Variants in MYL5 observed in about 807,000 individuals in gnomAD.
MYL5 encodes myosin regulatory light chain 5.
A neutral mutation model predicts 20.8 loss-of-function variants in MYL5; 28 were observed. The observed-to-expected ratio is 1.35, with a 90% CI of 1.00 to 1.84. MYL5 has a LOEUF of 1.84. Among genes scored for constraint, MYL5 ranks in the 40% most tolerant of loss-of-function variants. MYL5 has a pLI of 0.00. For missense variants in MYL5, 274 were observed against 227.3 expected (o/e 1.21, Z -1.32); for synonymous variants, 118 against 87.4 (o/e 1.35, Z -1.95).
chr4:681,856 C>A, intron 6 of MYL5, 37 bp from the exon 9 acceptor site: 1 of 1,305,598 alleles, frequency 7.7e-7, no homozygotes, highest in South Asian at 3.1e-5. Context: ...AATTCGCTCC[C>A]GGAGCCCGCA....
rs772779589 is a variant in MYL5 at position 678,990 on chromosome 4, C to T, written c.144C>T (p.Gly48=). 3.7e-6 allele frequency: 6 copies of T among 1,613,830 alleles called. No homozygotes were observed. In the East Asian group the frequency reaches 6.7e-5, roughly 18 times the overall value. The change falls in exon 3 of 7, where the codon GGC becomes GGT. Residue 48 remains glycine, a synonymous_variant. Coordinates refer to ENST00000400159, the Ensembl canonical transcript of MYL5. ...CACTCATGGATCAGAACCGAGATGG[C>T]TTCATTGACAAGGAGGACCTGAAGG...
exon 4 of MYL5, chr4:679,997 C>T: frequency 1.2e-6 from 2 of 1,613,210 alleles, no homozygotes; most frequent in Non-Finnish European, 1.7e-6. Flanking sequence ...GTTTCTGAAC[C>T]TGTTTGGGGA....
chr4:681,907 C>T, exon 7 of MYL5: 2 of 1,317,422 alleles, frequency 1.5e-6, no homozygotes, highest in Non-Finnish European at 2.0e-6. Context: ...ACCAGATGTT[C>T]CAGTTCGCCT....
upstream of MYL5, chr4:674,679 C>G (rs1464009217): frequency 4.1e-6 from 1 of 242,998 alleles, no homozygotes; most frequent in Non-Finnish European, 8.1e-6. Context: ...CGTCGGAGGC[C>G]TGAGGTCAGG....
chr4:681,015 C>G, intron 5 of MYL5, 77 bp from the exon 8 acceptor site: 1 of 1,506,340 alleles, frequency 6.6e-7, no homozygotes, highest in Non-Finnish European at 9.0e-7. Flanking sequence ...CCTGGGGCCC[C>G]TGGAGCACCT....
At chr4:677,835 G>C (rs908526561), upstream of MYL5, 4 of 887,976 alleles carry the variant, frequency 4.5e-6, no homozygotes, top group African/African-American at 6.6e-5. Flanking sequence ...GGTGAGGCAG[G>C]GCAAGGGTGT....
At chr4:678,531 C>G (rs13110755) in intron 1 of MYL5, 127 bp from the exon 4 acceptor site, 34,899 of 1,462,728 alleles carry the variant, frequency 0.024, 441 homozygotes, top group Middle Eastern at 0.03. Flanking sequence ...CCTCAGCTGT[C>G]TGGCCCCCTC....
chr4:677,825 G>C, upstream of MYL5: 1 of 790,624 alleles, frequency 1.3e-6, no homozygotes, highest in Non-Finnish European at 2.1e-6. Context: ...GGCCTTGCGG[G>C]GTGAGGCAGG....
chr4:680,082 T>C (rs1405376875), intron 4 of MYL5, 64 bp downstream of exon 6: 2 of 1,373,654 alleles, frequency 1.5e-6, no homozygotes, highest in Non-Finnish European at 2.0e-6. Context: ...GATCCGGACA[T>C]TTCACGTAAA....
At position 681,253 on chromosome 4, in the gene MYL5, G is replaced by C; in HGVS notation, c.420+113G>C. 4.7e-6 allele frequency: 6 copies of C among 1,285,784 alleles called. No homozygotes were observed. The South Asian group carries it at 6.5e-5, about 14-fold the overall frequency. 79.6% of individuals were successfully genotyped at this position (1,285,784 alleles called of 1,614,324 possible). A position where few individuals can be genotyped will look rare whatever the true frequency, so the allele number is the denominator to read the frequency against. Reference sequence around the variant, plus strand: ...GAGCAGCGCCGCGGTTAGGACCCAGGACAGAACAGGCCCCCGGGGGGCTCC... The same window carrying C: ...GAGCAGCGCCGCGGTTAGGACCCAGCACAGAACAGGCCCCCGGGGGGCTCC... On this transcript the variant is annotated intron_variant, in intron 6 of 6. Transcript: ENST00000400159.
At chr4:674,580 C>T, upstream of MYL5, 1 of 412,648 alleles carries the variant, frequency 2.4e-6, no homozygotes. Context: ...TTTCCCCGCG[C>T]TGCTGCCGAG....
chr4:680,094 ATC>A (rs774176419), intron 4 of MYL5, 76 bp downstream of exon 6: 237 of 1,354,666 alleles, frequency 1.7e-4, no homozygotes, highest in Middle Eastern at 5.6e-4. Flanking sequence ...TCACGTAAAA[ATC>A]TCTCTTTTCC....
chr4:676,708 T>C (rs1445405352), upstream of MYL5, among the ~76,000 whole-genome samples: 4 of 152,086 alleles, frequency 2.6e-5, no homozygotes, highest in Non-Finnish European at 5.9e-5. Context: ...TTCTCCCCAC[T>C]CCTGCAGCCC....
Position 680,720 on chromosome 4 carries a change from G to A in MYL5, c.371+133G>A, listed in dbSNP as rs2109353890. ...CTCTGACCAGCTTCAGGGCCATGAGGAGCGAACCCAGGATCCCAGCTGAGT... is the reference window on the plus strand; with the variant it reads ...CTCTGACCAGCTTCAGGGCCATGAGAAGCGAACCCAGGATCCCAGCTGAGT... On this transcript the variant is annotated intron_variant, in intron 5 of 6. Coordinates refer to ENST00000400159, the Ensembl canonical transcript of MYL5. 6.5e-6 allele frequency: 6 copies of A among 923,528 alleles called. No individual in the cohort carries two copies. In the South Asian group the frequency reaches 9.5e-5, roughly 15 times the overall value. 57.2% of individuals were successfully genotyped at this position (923,528 alleles called of 1,614,324 possible). A position where few individuals can be genotyped will look rare whatever the true frequency, so the allele number is the denominator to read the frequency against.
chr4:678,621 C>T, intron 1 of MYL5, 37 bp from the exon 4 acceptor site: 1 of 1,576,824 alleles, frequency 6.3e-7, no homozygotes, highest in Non-Finnish European at 8.6e-7. Flanking sequence ...TTTCGTCAGC[C>T]AGCCCAGGAC....
chr4:678,195 C>CGT, intron 1 of MYL5, 166 bp downstream of exon 3: 1 of 1,522,966 alleles, frequency 6.6e-7, no homozygotes. Flanking sequence ...TGTGTATGTG[C>CGT]GTGTGTGTGA....
upstream of MYL5, chr4:674,722 G>T (rs1339870110): frequency 1.6e-5 from 3 of 184,520 alleles, no homozygotes; most frequent in African/African-American, 4.8e-5. Flanking sequence ...CGCGGACCGC[G>T]CCCACCCGAG....
intron 6 of MYL5, among the ~76,000 whole-genome samples, chr4:681,509 G>C (rs866818809): frequency 1.5e-5 from 1 of 65,838 alleles, no homozygotes; most frequent in South Asian, 5.4e-4. Context: ...CAGGACCCCC[G>C]CACCTCCCCC....
At chr4:675,658 T>TG (rs1738780876), upstream of MYL5, 1 of 152,360 alleles carries the variant, frequency 6.6e-6, no homozygotes, top group Non-Finnish European at 1.5e-5. Context: ...AGGCCAGTCC[T>TG]ATAGGGCAGG....
Sources: allele counts gnomAD v4.1 joint callset (sites outside exome capture counted in the v4.1 genomes callset), GRCh38; gene constraint gnomAD v4.1.1; transcripts MANE v1.5; gene names NCBI Gene and HGNC (gene_info 2026-07-23, HGNC 2026-07-21).